PRKCH: variants seen among roughly 807,000 people sequenced by gnomAD.
PRKCH encodes the protein protein kinase C eta type.
In PRKCH, 28 loss-of-function variants were observed where a neutral mutation model predicts 82.5. The observed-to-expected ratio is 0.34, with a 90% confidence interval of 0.25 to 0.47. PRKCH has a LOEUF of 0.47. Ranked by LOEUF, PRKCH falls within the 20% of genes least tolerant of loss-of-function variation. The pLI is 1.00. For synonymous variants in PRKCH, 322 were observed against 327.4 expected, an observed-to-expected ratio of 0.98 and a Z score of 0.18; for missense variants, 705 against 881.8, an observed-to-expected ratio of 0.80 and a Z score of 2.54.
intron 1 of PRKCH, among the ~76,000 whole-genome samples, chr14:61,229,718 G>A (rs2044725439): frequency 6.6e-6 from 1 of 152,148 alleles, no homozygotes; most frequent in Non-Finnish European, 1.5e-5. Flanking sequence ...GGAACAAATT[G>A]TCCCCGACAC....
chr14:61,216,074 C>T (rs1307127644), intron 1 of PRKCH, among the ~76,000 whole-genome samples: 4 of 152,168 alleles, frequency 2.6e-5, no homozygotes. Context: ...TTGGGGTTTG[C>T]AGCATTTCTG....
chr14:61,220,949 G>T (rs1393463899), intron 1 of PRKCH, among the ~76,000 whole-genome samples: 1 of 152,172 alleles, frequency 6.6e-6, no homozygotes, highest in Non-Finnish European at 1.5e-5. Context: ...GGGAAGGGTT[G>T]GCAGAATAAT....
In PRKCH at chr14:61,457,711, G is replaced by A. The variant is rs373751010; in HGVS notation, c.1278+32G>A. ...ATGAATCACATTCACTGCACCAACA[G>A]CCTCTTTTCTTACAGAGCTGAGACA... On this transcript the variant is annotated intron_variant, in intron 9 of 13. Coordinates refer to ENST00000332981, the MANE Select transcript of PRKCH (RefSeq NM_006255.5). 4.2e-5 allele frequency: 67 copies of A among 1,607,974 alleles called. 1 individual carries two copies. In the African/African-American group the frequency reaches 4.3e-4, roughly 10 times the overall value.
At chr14:61,529,032 G>C in intron 10 of PRKCH, 43 bp from the exon 11 acceptor site, 1 of 1,548,192 alleles carries the variant, frequency 6.5e-7, no homozygotes, top group South Asian at 1.2e-5. Flanking sequence ...GGATGGTTTG[G>C]GGTCTGGCTG....
chr14:61,427,736 A>C (rs1244565326), intron 2 of PRKCH, among the ~76,000 whole-genome samples: 1 of 151,912 alleles, frequency 6.6e-6, no homozygotes, highest in African/African-American at 2.4e-5. Context: ...ACAGGCATGC[A>C]CCACCATGCC....
At chr14:61,220,428 G>A (rs2044646853) in intron 1 of PRKCH, among the ~76,000 whole-genome samples, 1 of 152,234 alleles carries the variant, frequency 6.6e-6, no homozygotes, top group Non-Finnish European at 1.5e-5. Flanking sequence ...GAAAGACAGG[G>A]CATTTGAGGA....
chr14:61,219,754 T>C (rs531708343), intron 1 of PRKCH, among the ~76,000 whole-genome samples: 1 of 152,346 alleles, frequency 6.6e-6, no homozygotes, highest in Admixed American at 6.5e-5. Context: ...GAGCATTGTG[T>C]CAAGTTTTTC....
At chr14:61,272,214 C>T (rs2045160338) in intron 1 of PRKCH, among the ~76,000 whole-genome samples, 2 of 142,476 alleles carry the variant, frequency 1.4e-5, no homozygotes, top group African/African-American at 2.6e-5. Context: ...GGCAAAACAG[C>T]GAGACTCGGT....
intron 10 of PRKCH, among the ~76,000 whole-genome samples, chr14:61,517,005 A>G (rs1403572317): frequency 6.6e-6 from 1 of 152,080 alleles, no homozygotes. Flanking sequence ...TTGTGTTTAG[A>G]TGGCTCAGGT....
At chr14:61,432,009 T>C (rs58979752) in intron 2 of PRKCH, among the ~76,000 whole-genome samples, 9,537 of 152,074 alleles carry the variant, frequency 0.063, 988 homozygotes, top group African/African-American at 0.22. Context: ...TCTACCACTG[T>C]CTCTACCAAT....
intron 1 of PRKCH, among the ~76,000 whole-genome samples, chr14:61,270,552 TAAAGA>T (rs1006039757): frequency 1.3e-5 from 2 of 152,164 alleles, no homozygotes; most frequent in African/African-American, 4.8e-5. Flanking sequence ...TTTTTCAACT[TAAAGA>T]AAACACATTT....
intron 1 of PRKCH, among the ~76,000 whole-genome samples, chr14:61,325,887 G>A (rs1426506566): frequency 6.6e-6 from 1 of 152,132 alleles, no homozygotes; most frequent in Non-Finnish European, 1.5e-5. Flanking sequence ...TTAAGGAAAT[G>A]CAAATTAAAA....
intron 2 of PRKCH, among the ~76,000 whole-genome samples, chr14:61,414,756 G>A (rs559036389): frequency 2.0e-5 from 3 of 152,272 alleles, no homozygotes; most frequent in African/African-American, 7.2e-5. Context: ...TGGGATTACA[G>A]GCATGAGCCA....
At chr14:61,477,563 A>G (rs998195497) in intron 9 of PRKCH, among the ~76,000 whole-genome samples, 1 of 152,206 alleles carries the variant, frequency 6.6e-6, no homozygotes, top group African/African-American at 2.4e-5. Context: ...GCTTACAGTA[A>G]TATGTTTTTA....
intron 1 of PRKCH, among the ~76,000 whole-genome samples, chr14:61,309,333 A>G (rs2140108959): frequency 6.6e-6 from 1 of 152,284 alleles, no homozygotes; most frequent in African/African-American, 2.4e-5. Context: ...GGCAGGGTTG[A>G]GCCCCCTGCA....
chr14:61,357,196 T>C (rs1410867749), intron 1 of PRKCH, among the ~76,000 whole-genome samples: 2 of 152,246 alleles, frequency 1.3e-5, no homozygotes, highest in Non-Finnish European at 2.9e-5. Context: ...ACTTCCAAGC[T>C]ATACTGGGCA....
At chr14:61,297,134 A>G (rs2045412720) in intron 1 of PRKCH, among the ~76,000 whole-genome samples, 3 of 152,186 alleles carry the variant, frequency 2.0e-5, no homozygotes, top group African/African-American at 7.2e-5. Flanking sequence ...GTGCATCTCA[A>G]ATATGGAAAG....
At chr14:61,457,046 A>C in intron 7 of PRKCH, 130 bp from the exon 8 acceptor site, 3 of 979,590 alleles carry the variant, frequency 3.1e-6, no homozygotes, top group Admixed American at 5.8e-5. Context: ...ATCATCTGTC[A>C]AACTGAGTTG....
At chr14:61,535,394 A>G (rs970985801) in intron 12 of PRKCH, among the ~76,000 whole-genome samples, 3 of 152,260 alleles carry the variant, frequency 2.0e-5, no homozygotes, top group Non-Finnish European at 4.4e-5. Context: ...CATTTATTTA[A>G]CAGGCAGATC....
Sources: allele counts gnomAD v4.1 joint callset (sites outside exome capture counted in the v4.1 genomes callset), GRCh38; gene constraint gnomAD v4.1.1; transcripts MANE v1.5; gene names NCBI Gene and HGNC (gene_info 2026-07-23, HGNC 2026-07-21).